ANKRD11: variants seen among roughly 807,000 people sequenced by gnomAD.
ANKRD11 encodes ankyrin repeat domain 11, also known as ankyrin repeat domain-containing protein 11.
Under a neutral mutation model 195.7 loss-of-function variants are expected in ANKRD11, and 17 were observed. The ratio of observed to expected loss-of-function variants is 0.09; its 90% CI spans 0.06 to 0.13. The LOEUF is 0.13. Ranked by LOEUF, ANKRD11 falls within the 10% of genes least tolerant of loss-of-function variation. The pLI, the probability that ANKRD11 is intolerant of heterozygous loss-of-function variation, is 1.00. For missense variants in ANKRD11, 3,735 were observed against 3,566.1 expected (o/e 1.05, Z -1.21); for synonymous variants, 1,953 against 1,528.1 (o/e 1.28, Z -6.49).
intron 6 of ANKRD11, 112 bp from the exon 7 acceptor site, chr16:89,288,782 G>A: frequency 1.3e-6 from 2 of 1,508,984 alleles, no homozygotes; most frequent in Admixed American, 3.4e-5. Context: ...CAGGTGGGGA[G>A]CTGCCCTGTA....
rs372541896 is a variant in ANKRD11, at chr16:89,370,599, C to T, written c.-60+47685G>A. ...CCTTCCAGGCAGCTCAGCGTCACCGCACACATTTGACAAATGACCGACTGA... is the reference window on the plus strand; with the variant it reads ...CCTTCCAGGCAGCTCAGCGTCACCGTACACATTTGACAAATGACCGACTGA... On this transcript the variant is annotated intron_variant, in intron 2 of 12. Coordinates refer to ENST00000301030, the MANE Select transcript of ANKRD11 (RefSeq NM_013275.6). 1.3e-3 allele frequency: 201 copies of T among 152,668 alleles called. 5 individuals are homozygous for T. The South Asian group carries it at 0.039, about 29-fold the overall frequency. 9.5% of individuals were successfully genotyped at this position (152,668 alleles called of 1,614,324 possible). A position where few individuals can be genotyped will look rare whatever the true frequency, so the allele number is the denominator to read the frequency against.
chr16:89,374,643 C>A (rs902462607), intron 2 of ANKRD11, among the ~76,000 whole-genome samples: 1 of 152,162 alleles, frequency 6.6e-6, no homozygotes, highest in African/African-American at 2.4e-5. Context: ...CCATCTCCCG[C>A]GTGCTACGAT....
chr16:89,457,052 C>T (rs1403706552), intron 1 of ANKRD11, among the ~76,000 whole-genome samples: 3 of 149,486 alleles, frequency 2.0e-5, no homozygotes, highest in Non-Finnish European at 3.0e-5. Flanking sequence ...CTCCGCCTCC[C>T]GGGTTCACGC....
intron 1 of ANKRD11, among the ~76,000 whole-genome samples, chr16:89,479,927 AGC>A (rs2057386743): frequency 1.4e-5 from 2 of 143,278 alleles, no homozygotes; most frequent in South Asian, 4.5e-4. Context: ...TGGGTGACAG[AGC>A]GAGACTCCAT....
In ANKRD11 at chr16:89,282,130, T is replaced by A; in HGVS notation, c.4412A>T (p.Asp1471Val). The change falls in exon 9 of 13, where the codon GAC (aspartate) becomes GTC (valine). Residue 1471 changes from aspartate (D) to valine (V), a missense_variant. Physicochemically the swap from Asp to Val is radical, Grantham distance 152. Coordinates refer to ENST00000301030, the MANE Select transcript of ANKRD11 (RefSeq NM_013275.6). ...KREKHREKWRDEKERHRDRHA... is the reference protein window; with the variant it reads ...KREKHREKWRVEKERHRDRHA... ...CCTGTCCCGGTGCCTCTCCTTCTCG[T>A]CTCTCCATTTCTCCCTGTGTTTCTC... The A allele has an allele frequency of 1.2e-6, 2 of 1,614,144 alleles. No homozygotes were observed. The highest frequency in any genetic ancestry group is 1.1e-5 in the South Asian group (1 of 91,080).
At chr16:89,400,829 C>A (rs1406230656) in intron 2 of ANKRD11, among the ~76,000 whole-genome samples, 6 of 151,566 alleles carry the variant, frequency 4.0e-5, no homozygotes, top group Admixed American at 2.0e-4. Context: ...GCGCTGGAGG[C>A]TGGTCATCTG....
chr16:89,466,987 G>C (rs1187139966), intron 1 of ANKRD11, among the ~76,000 whole-genome samples: 1 of 152,230 alleles, frequency 6.6e-6, no homozygotes, highest in East Asian at 1.9e-4. Context: ...TTAAACTCTG[G>C]TGTGATCTGA....
chr16:89,284,698 G>T lies in ANKRD11; in HGVS notation c.1844C>A (p.Ala615Glu). Reference sequence around the variant, plus strand: ...GTCCAGTTTGGGGACAGCGCCCTCCGCGCTGGACAGGAAGGGGCTCTTCTT... The same window carrying T: ...GTCCAGTTTGGGGACAGCGCCCTCCTCGCTGGACAGGAAGGGGCTCTTCTT... ...SEKKSPFLSS[A>E]EGAVPKLDKE... The change falls in exon 9 of 13, where the codon GCG becomes GAG. Residue 615 changes from alanine (A) to glutamate (E), a missense_variant. Transcript: ENST00000301030. 2 of 1,613,832 alleles carry T rather than the reference G, an allele frequency of 1.2e-6. No homozygotes were observed. Among genetic ancestry groups the T allele is most frequent in the South Asian group, 2.2e-5 (2 of 91,070 alleles).
At chr16:89,471,432 C>G (rs2057080915) in intron 1 of ANKRD11, among the ~76,000 whole-genome samples, 2 of 152,140 alleles carry the variant, frequency 1.3e-5, no homozygotes, top group African/African-American at 4.8e-5. Flanking sequence ...AAGTGATTCT[C>G]TTTGCTAGAG....
chr16:89,301,046 G>A, intron 4 of ANKRD11: 1 of 571,618 alleles, frequency 1.7e-6, no homozygotes, highest in Middle Eastern at 3.8e-4. Flanking sequence ...GAACCCCAGG[G>A]AGGCCAGGCA....
chr16:89,391,550 TGA>T (rs1454944448), intron 2 of ANKRD11, among the ~76,000 whole-genome samples: 1 of 152,220 alleles, frequency 6.6e-6, no homozygotes, highest in African/African-American at 2.4e-5. Flanking sequence ...CGCTGTGGCA[TGA>T]GAGCAAAGGA....
At chr16:89,388,293 ATTTTTTTT>A (rs71134215) in intron 2 of ANKRD11, among the ~76,000 whole-genome samples, 2 of 85,266 alleles carry the variant, frequency 2.3e-5, no homozygotes, top group Admixed American at 3.2e-4. Flanking sequence ...CATGAGGCTG[ATTTTTTTT>A]TTTTTTTTTT....
At chr16:89,290,539 C>T (rs1027780463) in intron 6 of ANKRD11, 86 bp downstream of exon 6, 3 of 1,418,930 alleles carry the variant, frequency 2.1e-6, no homozygotes, top group African/African-American at 2.9e-5. Flanking sequence ...CTCAGGGCTC[C>T]AATGGGGGGA....
Position 89,424,452 on chromosome 16 carries a change from A to AAG in ANKRD11, c.-144-6086_-144-6085dup, listed in dbSNP as rs1555573745. 7.3e-5 allele frequency among the ~76,000 whole-genome samples: 11 copies of AAG among 151,286 alleles called. No individual in the cohort carries two copies. The East Asian group carries it at 1.4e-3, about 19-fold the overall frequency. ...GCAAAACTCTGTCTCAAAAAAAAAA[A>AAG]AGAGAGAGAAAGAAAAAAGTCTCAT... On this transcript the variant is annotated intron_variant, in intron 1 of 12. Coordinates refer to ENST00000301030, the MANE Select transcript of ANKRD11 (RefSeq NM_013275.6).
intron 8 of ANKRD11, 23 bp downstream of exon 8, chr16:89,286,016 C>G: frequency 6.2e-7 from 1 of 1,614,116 alleles, no homozygotes; most frequent in Non-Finnish European, 8.5e-7. Context: ...AAAGAACAGG[C>G]AGCTCAGGTG....
At chr16:89,345,006 A>G (rs2038871172) in intron 2 of ANKRD11, among the ~76,000 whole-genome samples, 1 of 152,258 alleles carries the variant, frequency 6.6e-6, no homozygotes, top group Admixed American at 6.5e-5. Context: ...AAGCAGGCGC[A>G]GATGAGGCAG....
At position 89,285,904 on chromosome 16, in the gene ANKRD11, G is replaced by T. The variant is rs994203666; in HGVS notation, c.892+135C>A. 2 of 1,411,946 alleles carry T rather than the reference G, an allele frequency of 1.4e-6. No homozygotes were observed. The highest frequency in any genetic ancestry group is 2.0e-6 in the Non-Finnish European group (2 of 1,016,688). 87.5% of individuals were successfully genotyped at this position (1,411,946 alleles called of 1,614,324 possible). A position where few individuals can be genotyped will look rare whatever the true frequency, so the allele number is the denominator to read the frequency against. ...GTGACACACCTGGGCGGGGTCTCCC[G>T]CAGTCCAGAAGCTCCTGTAAGCCCC... is the stretch of plus-strand genomic sequence containing the variant. On this transcript the variant is annotated intron_variant, in intron 8 of 12. Transcript: ENST00000301030. The surrounding 1 kb of genome is among the most constrained non-coding windows in gnomAD (Gnocchi z 5.6).
intron 2 of ANKRD11, among the ~76,000 whole-genome samples, chr16:89,343,108 C>G (rs2038769218): frequency 6.6e-6 from 1 of 152,186 alleles, no homozygotes; most frequent in Non-Finnish European, 1.5e-5. Flanking sequence ...GCAGCCTCAG[C>G]CTCCCGAGTA....
At chr16:89,453,996 T>C (rs1191575442) in intron 1 of ANKRD11, among the ~76,000 whole-genome samples, 1 of 152,196 alleles carries the variant, frequency 6.6e-6, no homozygotes, top group Non-Finnish European at 1.5e-5. Flanking sequence ...CAAGACTGTC[T>C]GAGTGGACCT....
Sources: allele counts gnomAD v4.1 joint callset (sites outside exome capture counted in the v4.1 genomes callset), GRCh38; gene constraint gnomAD v4.1.1; non-coding constraint Gnocchi (gnomAD v3.1); transcripts MANE v1.5; gene names NCBI Gene and HGNC (gene_info 2026-07-23, HGNC 2026-07-21).